The following GRIN1 variants were observed in gnomAD, a reference collection of about 807,000 sequenced individuals.
The protein encoded by GRIN1 is glutamate receptor ionotropic, NMDA 1.
Under a neutral mutation model 103.0 loss-of-function variants are expected in GRIN1, and 38 were observed. The ratio of observed to expected loss-of-function variants is 0.37; its 90% CI spans 0.28 to 0.48. The LOEUF (loss-of-function observed/expected upper bound fraction) is 0.48. Among genes scored for constraint, GRIN1 ranks in the 20% least tolerant of loss-of-function variants. The probability of loss-of-function intolerance (pLI) is 0.98; values close to 1 mark genes in which losing one functional copy is unlikely to be tolerated. For missense variants in GRIN1, 577 were observed against 1,288.9 expected (o/e 0.45, Z 8.46); for synonymous variants, 544 against 532.7 (o/e 1.02, Z -0.29).
At position 137,167,710 on chromosome 9, in the gene GRIN1, G is replaced by A. The variant is rs1180748766; in HGVS notation, c.*183G>A. On this transcript the variant is annotated 3_prime_UTR_variant, in exon 20 of 20. Coordinates refer to ENST00000371561, the MANE Select transcript of GRIN1 (RefSeq NM_007327.4). ...CCGGCTGGCCGGTCCACCCCGTCCC[G>A]GCCCCGCGCGTGCCCCCAGCGTGGG... The A allele has an allele frequency of 3.7e-6, 6 of 1,606,100 alleles. No homozygotes were observed. Among genetic ancestry groups the A allele is most frequent in the East Asian group, 2.2e-5 (1 of 44,572 alleles).
At chr9:137,164,689 C>A (rs1485790480) in intron 18 of GRIN1, 1 of 195,394 alleles carries the variant, frequency 5.1e-6, no homozygotes, top group Non-Finnish European at 1.1e-5. Flanking sequence ...CGGGCACAGG[C>A]CACCTGGCCA....
chr9:137,160,343 G>A (rs897543026), intron 8 of GRIN1, among the ~76,000 whole-genome samples: 26 of 152,190 alleles, frequency 1.7e-4, no homozygotes, highest in African/African-American at 5.8e-4. Flanking sequence ...CAGCAGGGTG[G>A]GGGTCAGCCT....
At chr9:137,142,474 ACAT>A (rs1455025781) in intron 2 of GRIN1, among the ~76,000 whole-genome samples, 4 of 147,750 alleles carry the variant, frequency 2.7e-5, no homozygotes, top group Admixed American at 6.7e-5. Flanking sequence ...CATCACACAC[ACAT>A]CACACACTCA....
In GRIN1 at chr9:137,161,219, C is replaced by T. The variant is rs1187892862; in HGVS notation, c.1339+22C>T. ...AGCCGTGAGTGCGCGGGGCAGGGCG[C>T]GGGGCGCGGGGCAGGGCGCGGGGCG... On this transcript the variant is annotated intron_variant, in intron 9 of 19. Coordinates refer to ENST00000371561, the MANE Select transcript of GRIN1 (RefSeq NM_007327.4). The T allele has an allele frequency of 3.7e-6, 6 of 1,603,330 alleles. No individual in the cohort carries two copies. In the African/African-American group the frequency reaches 5.4e-5, roughly 14 times the overall value.
At chr9:137,163,479 C>A in intron 16 of GRIN1, 80 bp from the exon 17 acceptor site, 1 of 1,330,106 alleles carries the variant, frequency 7.5e-7, no homozygotes, top group Non-Finnish European at 1.1e-6. Flanking sequence ...CCCGCAGGCC[C>A]CGCCCCGGCC....
intron 2 of GRIN1, among the ~76,000 whole-genome samples, chr9:137,143,524 G>T (rs1384167314): frequency 6.6e-6 from 1 of 152,168 alleles, no homozygotes; most frequent in Non-Finnish European, 1.5e-5. Context: ...GTGGTCAAAT[G>T]AAAGGCGGGG....
intron 19 of GRIN1, 85 bp from the exon 20 acceptor site, chr9:137,167,326 G>A (rs1833934717): frequency 9.3e-7 from 1 of 1,070,846 alleles, no homozygotes; most frequent in African/African-American, 1.6e-5. Flanking sequence ...GCCGGTCCGG[G>A]CCAGGGCGGC....
chr9:137,158,932 C>A (rs1168563907), intron 8 of GRIN1, among the ~76,000 whole-genome samples: 6 of 152,204 alleles, frequency 3.9e-5, no homozygotes, highest in Admixed American at 3.9e-4. Context: ...GTCTCCAGTG[C>A]CCCTCTTGAC....
chr9:137,156,722 G>T lies in GRIN1; in HGVS notation c.725G>T (p.Gly242Val). The T allele has an allele frequency of 6.3e-7, 1 of 1,591,674 alleles. No individual in the cohort carries two copies. The highest frequency in any genetic ancestry group is 8.5e-7 in the Non-Finnish European group (1 of 1,170,114). ...GCAGCCGCGATGCTGAACATGACGG[G>T]CTCCGGGTACGTGTGGCTGGTCGGC... ...YRAAAMLNMT[G>V]SGYVWLVGER... Residue 242 changes from glycine (G) to valine (V), a missense_variant, in exon 5 of 20, where the codon GGC (glycine) becomes GTC (valine). Gly to Val is a moderately radical substitution (Grantham distance 109, BLOSUM62 -3). This residue lies in a region of GRIN1 where 308 missense variants were observed against 553.6 expected (regional missense o/e 0.56). Transcript: ENST00000371561.
At chr9:137,144,474 GA>G in intron 2 of GRIN1, among the ~76,000 whole-genome samples, 1 of 151,848 alleles carries the variant, frequency 6.6e-6, no homozygotes, top group Non-Finnish European at 1.5e-5. Context: ...CTAATACGGT[GA>G]AACCCCATCT....
Position 137,156,943 on chromosome 9 carries a change from G to C in GRIN1, c.874G>C (p.Val292Leu). The change falls in exon 6 of 20, where the codon GTG (valine) becomes CTG (leucine). Residue 292 changes from valine to leucine, a missense_variant. Val to Leu is a conservative substitution (Grantham distance 32, BLOSUM62 1). Coordinates refer to ENST00000371561, the MANE Select transcript of GRIN1 (RefSeq NM_007327.4). ...CGCCGTGGGCGTGGTGGCCCAGGCC[G>C]TGCACGAGCTCCTCGAGAAGGAGAA... ...SDAVGVVAQA[V>L]HELLEKENIT... The C allele has an allele frequency of 6.2e-7, 1 of 1,612,062 alleles. No individual in the cohort carries two copies.
At chr9:137,147,305 C>T (rs1328444524) in intron 3 of GRIN1, among the ~76,000 whole-genome samples, 3 of 151,924 alleles carry the variant, frequency 2.0e-5, no homozygotes, top group Non-Finnish European at 2.9e-5. Flanking sequence ...CACCTGGACA[C>T]GCACAGGTGC....
intron 4 of GRIN1, among the ~76,000 whole-genome samples, chr9:137,155,789 C>T (rs1833184062): frequency 1.3e-5 from 2 of 152,244 alleles, no homozygotes; most frequent in African/African-American, 4.8e-5. Context: ...CACAGGGGCC[C>T]ACCTGCAAGC....
At chr9:137,167,384 G>A in intron 19 of GRIN1, 27 bp from the exon 20 acceptor site, 1 of 1,536,622 alleles carries the variant, frequency 6.5e-7, no homozygotes, top group Non-Finnish European at 8.8e-7. Flanking sequence ...GGGCCAGCGG[G>A]TATTGATTGT....
At chr9:137,153,644 G>A (rs879368970) in intron 4 of GRIN1, among the ~76,000 whole-genome samples, 2 of 151,756 alleles carry the variant, frequency 1.3e-5, no homozygotes, top group Admixed American at 6.6e-5. Context: ...ACTGATATAC[G>A]CACACCTACA....
intron 4 of GRIN1, among the ~76,000 whole-genome samples, chr9:137,152,152 C>T (rs764776102): frequency 2.6e-4 from 40 of 152,192 alleles, no homozygotes; most frequent in Middle Eastern, 3.4e-3. Flanking sequence ...ATGATCTGCC[C>T]GCCTCGGCCT....
chr9:137,150,828 G>A (rs1311989300), intron 4 of GRIN1, among the ~76,000 whole-genome samples: 3 of 90,006 alleles, frequency 3.3e-5, no homozygotes, highest in Non-Finnish European at 6.4e-5. Context: ...GAAAAGACCC[G>A]CCCAGGAAAA....
rs763989976 is a variant in GRIN1 at position 137,145,805 on chromosome 9, A to C, written c.473A>C (p.Tyr158Ser). ...GTGTGGTTTGAGATGATGCGTGTCT[A>C]CAGCTGGAACCACATCATCCTGCTG... ...SSVWFEMMRVYSWNHIILLVS... is the reference protein window; with the variant it reads ...SSVWFEMMRVSSWNHIILLVS... The change falls in exon 3 of 20, where the codon TAC (tyrosine) becomes TCC (serine). Residue 158 changes from tyrosine (Y) to serine (S), a missense_variant. Tyr to Ser is a moderately radical substitution (Grantham distance 144). Transcript: ENST00000371561. 1 of 1,613,330 alleles carries C rather than the reference A, an allele frequency of 6.2e-7. No individual in the cohort carries two copies. The highest frequency in any genetic ancestry group is 1.7e-5 in the Admixed American group (1 of 59,980).
intron 4 of GRIN1, among the ~76,000 whole-genome samples, chr9:137,155,044 A>G (rs28694499): frequency 0.039 from 5,985 of 152,320 alleles, 382 homozygotes; most frequent in African/African-American, 0.13. Context: ...AATTTTCCAT[A>G]GCATGCAGAT....
Sources: allele counts gnomAD v4.1 joint callset (sites outside exome capture counted in the v4.1 genomes callset), GRCh38; gene constraint gnomAD v4.1.1; regional missense constraint gnomAD v4.1.1; transcripts MANE v1.5; gene names NCBI Gene and HGNC (gene_info 2026-07-23, HGNC 2026-07-21).